The following SETD3 variants were observed in gnomAD, a reference collection of about 807,000 sequenced individuals.
The protein encoded by SETD3 is SET domain containing 3, actin N3(tau)-histidine methyltransferase, also known as actin-histidine N-methyltransferase.
In SETD3, 19 loss-of-function variants were observed where a neutral mutation model predicts 63.0. That is an observed-to-expected ratio of 0.30 (90% CI 0.21 to 0.44). The LOEUF (loss-of-function observed/expected upper bound fraction) is 0.44, where lower values mean the gene tolerates loss of function less well. Ranked by LOEUF, SETD3 falls within the 20% of genes least tolerant of loss-of-function variation. The pLI, the probability that SETD3 is intolerant of heterozygous loss-of-function variation, is 1.00. For synonymous variants in SETD3, 286 were observed against 264.1 expected, an observed-to-expected ratio of 1.08 and a Z score of -0.80; for missense variants, 587 against 728.5, an observed-to-expected ratio of 0.81 and a Z score of 2.24.
At chr14:99,420,264 A>G (rs1892515030) in intron 6 of SETD3, among the ~76,000 whole-genome samples, 1 of 152,136 alleles carries the variant, frequency 6.6e-6, no homozygotes, top group African/African-American at 2.4e-5. Context: ...CAGGCTCAGC[A>G]AGGCAGGGAC....
chr14:99,483,629 A>G (rs1896411255), upstream of SETD3, among the ~76,000 whole-genome samples: 1 of 152,244 alleles, frequency 6.6e-6, no homozygotes, highest in South Asian at 2.1e-4. Flanking sequence ...ATTGTTGGAC[A>G]TAAGTTCATT....
intron 1 of SETD3, among the ~76,000 whole-genome samples, chr14:99,470,064 A>G (rs1566735177): frequency 6.6e-6 from 1 of 152,110 alleles, no homozygotes; most frequent in African/African-American, 2.4e-5. Flanking sequence ...GCCTCACTCT[A>G]TTTTACATGT....
chr14:99,466,004 A>AC (rs111961926), intron 1 of SETD3, among the ~76,000 whole-genome samples, 191 bp from the exon 2 acceptor site: 13 of 151,762 alleles, frequency 8.6e-5, no homozygotes, highest in East Asian at 3.9e-4. Flanking sequence ...AAAAAAAAAA[A>AC]TCTGCTTTGT....
intron 6 of SETD3, among the ~76,000 whole-genome samples, chr14:99,449,170 T>G (rs1398881094): frequency 3.3e-5 from 5 of 152,176 alleles, no homozygotes; most frequent in African/African-American, 1.2e-4. Context: ...AATGAATGCA[T>G]GTAGAAGAAA....
intron 12 of SETD3, 48 bp from the exon 13 acceptor site, chr14:99,399,173 A>T: frequency 6.4e-7 from 1 of 1,555,242 alleles, no homozygotes; most frequent in Non-Finnish European, 8.8e-7. Flanking sequence ...AACCAGCAAA[A>T]CTATAGAGAC....
At chr14:99,465,085 G>C (rs908726018) in intron 2 of SETD3, among the ~76,000 whole-genome samples, 1 of 152,176 alleles carries the variant, frequency 6.6e-6, no homozygotes, top group Non-Finnish European at 1.5e-5. Context: ...GCAGTGAGTC[G>C]TCATAGTGCC....
chr14:99,403,455 ACT>A (rs55804663), intron 11 of SETD3, among the ~76,000 whole-genome samples: 2,431 of 135,434 alleles, frequency 0.018, 28 homozygotes, highest in African/African-American at 0.033. Flanking sequence ...ACACACACAC[ACT>A]CTCTCTCTCT....
chr14:99,467,696 G>A (rs1364333853), intron 1 of SETD3, among the ~76,000 whole-genome samples: 2 of 152,144 alleles, frequency 1.3e-5, no homozygotes, highest in African/African-American at 4.8e-5. Flanking sequence ...TCTGCTGTGG[G>A]AGCCTGTAAA....
At chr14:99,472,924 A>G (rs751809901) in intron 1 of SETD3, among the ~76,000 whole-genome samples, 1 of 152,248 alleles carries the variant, frequency 6.6e-6, no homozygotes, top group Non-Finnish European at 1.5e-5. Flanking sequence ...ATAGTTAGTC[A>G]TTCAGAGGAA....
At chr14:99,416,469 T>C (rs1892297030) in intron 6 of SETD3, among the ~76,000 whole-genome samples, 1 of 152,224 alleles carries the variant, frequency 6.6e-6, no homozygotes, top group African/African-American at 2.4e-5. Context: ...GCTTGCACTT[T>C]TAAAATAAAA....
At chr14:99,443,261 T>TC (rs1893938258) in intron 6 of SETD3, among the ~76,000 whole-genome samples, 1 of 146,708 alleles carries the variant, frequency 6.8e-6, no homozygotes, top group Admixed American at 6.7e-5. Context: ...TCCCATTTTT[T>TC]TTTTTTTTTT....
chr14:99,428,608 T>C (rs139248418), intron 6 of SETD3, among the ~76,000 whole-genome samples: 175 of 152,244 alleles, frequency 1.1e-3, no homozygotes, highest in Non-Finnish European at 1.9e-3. Flanking sequence ...ATCATGCCAC[T>C]GCACTCAGCC....
intron 6 of SETD3, among the ~76,000 whole-genome samples, chr14:99,439,815 AGGATCTGGCTTTGT>A (rs1893699897): frequency 6.6e-6 from 1 of 151,434 alleles, no homozygotes; most frequent in African/African-American, 2.4e-5. Flanking sequence ...TTTTTGAGAC[AGGATCTGGCTTTGT>A]CACCCAGGCT....
chr14:99,417,540 A>C (rs1205044803), intron 6 of SETD3, among the ~76,000 whole-genome samples: 1 of 152,262 alleles, frequency 6.6e-6, no homozygotes, highest in Non-Finnish European at 1.5e-5. Context: ...GTGATCAGAA[A>C]TGAGAGATAC....
At chr14:99,400,328 A>C (rs940704360) in intron 11 of SETD3, 69 bp from the exon 12 acceptor site, 35 of 1,481,574 alleles carry the variant, frequency 2.4e-5, no homozygotes, top group Non-Finnish European at 3.0e-5. Context: ...CAAGCAATCT[A>C]CCTTAGAAAA....
upstream of SETD3, among the ~76,000 whole-genome samples, chr14:99,482,548 G>A (rs1181324281): frequency 6.6e-6 from 1 of 152,158 alleles, no homozygotes; most frequent in South Asian, 2.1e-4. Flanking sequence ...AATTATCCAA[G>A]ATTGTCTTAT....
At position 99,461,350 on chromosome 14, in the gene SETD3, T is replaced by C. The variant is rs759312907; in HGVS notation, c.197-10A>G. On this transcript the variant is annotated splice_polypyrimidine_tract_variant and intron_variant, in intron 3 of 12. Coordinates refer to ENST00000331768, the MANE Select transcript of SETD3 (RefSeq NM_032233.3). ...AAAGTAACGGACAGACCTATATTAA[T>C]CCACGTTTTAGAAAACAAGAGCTAC... 19 of 1,605,946 alleles carry C rather than the reference T, an allele frequency of 1.2e-5. No homozygotes were observed. The East Asian group carries it at 4.0e-4, about 34-fold the overall frequency.
At chr14:99,422,497 A>C (rs909712016) in intron 6 of SETD3, among the ~76,000 whole-genome samples, 1 of 152,216 alleles carries the variant, frequency 6.6e-6, no homozygotes, top group African/African-American at 2.4e-5. Flanking sequence ...TGAGTAGTCT[A>C]TGAGGAGCTC....
At chr14:99,428,908 C>T (rs1431754555) in intron 6 of SETD3, among the ~76,000 whole-genome samples, 2 of 152,136 alleles carry the variant, frequency 1.3e-5, no homozygotes, top group Non-Finnish European at 2.9e-5. Context: ...TGAGAGAGAC[C>T]CTGCAGCAGA....
Sources: allele counts gnomAD v4.1 joint callset (sites outside exome capture counted in the v4.1 genomes callset), GRCh38; gene constraint gnomAD v4.1.1; transcripts MANE v1.5; gene names NCBI Gene and HGNC (gene_info 2026-07-23, HGNC 2026-07-21).